SMPD3: variants seen among roughly 807,000 people sequenced by gnomAD.
SMPD3 encodes the protein sphingomyelin phosphodiesterase 3, also known as nSMase-2.
In SMPD3, 21 loss-of-function variants were observed where a neutral mutation model predicts 55.7. The ratio of observed to expected loss-of-function variants is 0.38; its 90% CI spans 0.27 to 0.54. The LOEUF is 0.54. Ranked by LOEUF, SMPD3 falls within the 20% of genes least tolerant of loss-of-function variation. The pLI is 0.80. For synonymous variants in SMPD3, 457 were observed against 404.3 expected (o/e 1.13, Z -1.56); for missense variants, 842 against 899.6 (o/e 0.94, Z 0.82).
chr16:68,411,470 C>T (rs1224321540), intron 1 of SMPD3, among the ~76,000 whole-genome samples: 1 of 152,172 alleles, frequency 6.6e-6, no homozygotes, highest in Admixed American at 6.5e-5. Context: ...TAGGGCCTCT[C>T]CCACCCTCCC....
intron 1 of SMPD3, among the ~76,000 whole-genome samples, chr16:68,439,887 A>G (rs1567811998): frequency 6.6e-6 from 1 of 152,204 alleles, no homozygotes; most frequent in South Asian, 2.1e-4. Flanking sequence ...TTTAAAAGCA[A>G]AGCTACTTGT....
At chr16:68,384,747 C>T (rs541619949) in intron 2 of SMPD3, among the ~76,000 whole-genome samples, 38 of 152,158 alleles carry the variant, frequency 2.5e-4, no homozygotes, top group African/African-American at 8.4e-4. Context: ...TTGTGCCCCC[C>T]ACTCCCCCCG....
chr16:68,442,908 C>A (rs1048115912), intron 1 of SMPD3, among the ~76,000 whole-genome samples: 2 of 152,230 alleles, frequency 1.3e-5, no homozygotes, highest in African/African-American at 4.8e-5. Context: ...TTGCTCCTTT[C>A]ATCAGAGCTC....
intron 1 of SMPD3, among the ~76,000 whole-genome samples, chr16:68,388,663 C>G (rs1475309804): frequency 6.6e-6 from 1 of 152,040 alleles, no homozygotes; most frequent in African/African-American, 2.4e-5. Context: ...CCATGCCCCA[C>G]CAACTCTTCT....
At chr16:68,439,158 A>C (rs962583803) in intron 1 of SMPD3, among the ~76,000 whole-genome samples, 1 of 152,232 alleles carries the variant, frequency 6.6e-6, no homozygotes, top group Admixed American at 6.5e-5. Flanking sequence ...AAGTCTGGAA[A>C]GGTTAAAGCA....
intron 1 of SMPD3, among the ~76,000 whole-genome samples, chr16:68,436,646 C>T (rs1363060956): frequency 6.6e-6 from 1 of 152,098 alleles, no homozygotes; most frequent in Non-Finnish European, 1.5e-5. Flanking sequence ...ATGTGCAATC[C>T]CATTATAATA....
intron 1 of SMPD3, among the ~76,000 whole-genome samples, chr16:68,402,675 C>T (rs886211583): frequency 6.6e-6 from 1 of 151,954 alleles, no homozygotes; most frequent in Non-Finnish European, 1.5e-5. Flanking sequence ...AGACAATTCT[C>T]TGGAAACTCA....
At chr16:68,375,056 C>T (rs2089775954) in intron 2 of SMPD3, among the ~76,000 whole-genome samples, 1 of 152,192 alleles carries the variant, frequency 6.6e-6, no homozygotes, top group African/African-American at 2.4e-5. Context: ...ATCTCTGTGG[C>T]CTGAGGTCAC....
intron 2 of SMPD3, 104 bp from the exon 3 acceptor site, chr16:68,372,491 T>G (rs1260915148): frequency 2.2e-6 from 1 of 453,476 alleles, no homozygotes; most frequent in Non-Finnish European, 4.1e-6. Flanking sequence ...TCCCCTGGTG[T>G]GAGTGGGACA....
At chr16:68,381,072 C>G (rs11862968) in intron 2 of SMPD3, among the ~76,000 whole-genome samples, 40,936 of 152,132 alleles carry the variant, frequency 0.27, 6,294 homozygotes, top group African/African-American at 0.41. Flanking sequence ...TTTATGCAGA[C>G]CTTAAGAAGC....
chr16:68,372,976 G>A (rs1357723516), intron 2 of SMPD3, among the ~76,000 whole-genome samples: 1 of 152,176 alleles, frequency 6.6e-6, no homozygotes, highest in Admixed American at 6.5e-5. Flanking sequence ...ATGCACAACC[G>A]GGCTGTCACT....
In SMPD3 at chr16:68,404,662, C is replaced by A. The variant is rs1457760488; in HGVS notation, c.-268-18003G>T. The stretch of plus-strand genomic sequence containing the variant: ...AAATAGGGGTCACCTGTGCCCCCAG[C>A]CCACCTGCCATTGAGGTGCTAGCCC... On this transcript the variant is annotated intron_variant, in intron 1 of 8. Transcript: ENST00000219334. The surrounding 1 kb of genome is among the most constrained non-coding windows in gnomAD (Gnocchi z 4.0). Among the ~76,000 whole-genome samples, 1 of 152,224 alleles carries A rather than the reference C, an allele frequency of 6.6e-6. No homozygotes were observed. The highest frequency in any genetic ancestry group is 2.4e-5 in the African/African-American group (1 of 41,444).
chr16:68,383,346 A>T (rs1319865509), intron 2 of SMPD3, among the ~76,000 whole-genome samples: 1 of 152,182 alleles, frequency 6.6e-6, no homozygotes, highest in African/African-American at 2.4e-5. Context: ...ACACCACAAG[A>T]GAAAAGGAAG....
chr16:68,370,849 G>A lies in SMPD3; in HGVS notation c.1323+10C>T, dbSNP rs1178104125. The A allele has an allele frequency of 6.2e-7, 1 of 1,612,942 alleles. No homozygotes were observed. Among genetic ancestry groups the A allele is most frequent in the East Asian group, 2.2e-5 (1 of 44,826 alleles). On this transcript the variant is annotated intron_variant, in intron 3 of 8. Coordinates refer to ENST00000219334, the MANE Select transcript of SMPD3 (RefSeq NM_018667.4). ...GCACGTGGTCCTCAGGCTGGGCCGA[G>A]GTCTCCTACCTTGAGAAACAGAGCT...
chr16:68,419,118 G>C (rs2090364756), intron 1 of SMPD3, among the ~76,000 whole-genome samples: 1 of 152,184 alleles, frequency 6.6e-6, no homozygotes, highest in Non-Finnish European at 1.5e-5. Flanking sequence ...GCCACAGCTA[G>C]TATCTGGCTG....
At chr16:68,435,971 C>T (rs1408323422) in intron 1 of SMPD3, among the ~76,000 whole-genome samples, 1 of 152,232 alleles carries the variant, frequency 6.6e-6, no homozygotes, top group Non-Finnish European at 1.5e-5. Flanking sequence ...TTAGCTAATC[C>T]TCTGCGATCC....
intron 1 of SMPD3, among the ~76,000 whole-genome samples, chr16:68,411,872 G>A (rs1229939238): frequency 6.6e-6 from 1 of 152,170 alleles, no homozygotes; most frequent in African/African-American, 2.4e-5. Flanking sequence ...AGAATTGGGG[G>A]CAGGAATGAA....
At chr16:68,373,043 G>C (rs1395919141) in intron 2 of SMPD3, among the ~76,000 whole-genome samples, 1 of 152,214 alleles carries the variant, frequency 6.6e-6, no homozygotes, top group African/African-American at 2.4e-5. Context: ...ACTGACCGCG[G>C]GAGAAACCCC....
intron 1 of SMPD3, among the ~76,000 whole-genome samples, chr16:68,400,957 G>A (rs2090200055): frequency 6.6e-6 from 1 of 152,240 alleles, no homozygotes; most frequent in South Asian, 2.1e-4. Context: ...TTGGATGCTT[G>A]TGATTGGATC....
Sources: allele counts gnomAD v4.1 joint callset (sites outside exome capture counted in the v4.1 genomes callset), GRCh38; gene constraint gnomAD v4.1.1; non-coding constraint Gnocchi (gnomAD v3.1); transcripts MANE v1.5; gene names NCBI Gene and HGNC (gene_info 2026-07-23, HGNC 2026-07-21).